LTBP1: variants seen among roughly 807,000 people sequenced by gnomAD.
LTBP1 encodes the protein latent-transforming growth factor beta-binding protein 1.
A neutral mutation model predicts 207.6 loss-of-function variants in LTBP1; 129 were observed. That is an observed-to-expected ratio of 0.62 (90% confidence interval 0.54 to 0.72). The LOEUF is 0.72. LTBP1 is among the 30% of genes least tolerant of loss of function. The pLI is 0.00. For synonymous variants in LTBP1, 963 were observed against 833.7 expected (o/e 1.16, Z -2.67); for missense variants, 2,281 against 2,217.2 (o/e 1.03, Z -0.58).
At position 33,309,494 on chromosome 2, in the gene LTBP1, C is replaced by T; in HGVS notation, c.3542C>T (p.Ala1181Val). 6.2e-7 allele frequency: 1 copy of T among 1,610,108 alleles called. No individual in the cohort carries two copies. Among genetic ancestry groups the T allele is most frequent in the South Asian group, 1.1e-5 (1 of 90,398 alleles). The change falls in exon 23 of 34, where the codon GCA becomes GTA. Residue 1181 changes from alanine (A) to valine (V), a missense_variant. Transcript: ENST00000404816. ...CAGAGAGGAGACTGCATTAATACTGCAGGGTCCTATGATTGTACTTGTCCG... is the reference window on the plus strand; with the variant it reads ...CAGAGAGGAGACTGCATTAATACTGTAGGGTCCTATGATTGTACTTGTCCG... ...VCQRGDCINT[A>V]GSYDCTCPDG...
chr2:33,393,237 T>C (rs868691318), intron 32 of LTBP1, among the ~76,000 whole-genome samples: 19 of 38,406 alleles, frequency 4.9e-4, no homozygotes, highest in African/African-American at 2.4e-3. Flanking sequence ...TCTTCTTCTT[T>C]TTTTTTTTTT....
At position 33,393,998 on chromosome 2, in the gene LTBP1, A is replaced by G. The variant is rs560719210; in HGVS notation, c.4835-3135A>G. Among the ~76,000 whole-genome samples, 6 of 150,614 alleles carry G rather than the reference A, an allele frequency of 4.0e-5. No individual in the cohort carries two copies. The South Asian group carries it at 1.3e-3, about 32-fold the overall frequency. On this transcript the variant is annotated intron_variant, in intron 32 of 33. Coordinates refer to ENST00000404816, the MANE Select transcript of LTBP1 (RefSeq NM_206943.4). ...TGATCGCCATTGTAATTGGTGTGAG[A>G]TGGTATCTCATTGTGGTTTTGATTT...
At chr2:32,993,653 G>T (rs1211778443) in intron 2 of LTBP1, among the ~76,000 whole-genome samples, 1 of 152,176 alleles carries the variant, frequency 6.6e-6, no homozygotes, top group African/African-American at 2.4e-5. Context: ...TTGTTTTACT[G>T]AAGGCCGTGT....
chr2:33,387,490 A>G (rs1346561085), intron 31 of LTBP1, among the ~76,000 whole-genome samples: 1 of 152,192 alleles, frequency 6.6e-6, no homozygotes, highest in Non-Finnish European at 1.5e-5. Flanking sequence ...TGGAGTCTGG[A>G]TGTTGTTCCT....
intron 3 of LTBP1, among the ~76,000 whole-genome samples, chr2:33,088,059 G>A (rs2078860293): frequency 6.6e-6 from 1 of 152,216 alleles, no homozygotes; most frequent in Non-Finnish European, 1.5e-5. Context: ...TTCCTGGAAA[G>A]CACCAGGCAT....
intron 4 of LTBP1, among the ~76,000 whole-genome samples, chr2:33,128,939 A>T (rs900580683): frequency 6.6e-6 from 1 of 152,212 alleles, no homozygotes; most frequent in African/African-American, 2.4e-5. Context: ...TTCTCTTAAC[A>T]TTCAGAATTA....
At chr2:33,257,119 T>A (rs1333712399) in intron 11 of LTBP1, among the ~76,000 whole-genome samples, 165 bp from the exon 12 acceptor site, 1 of 152,142 alleles carries the variant, frequency 6.6e-6, no homozygotes, top group Non-Finnish European at 1.5e-5. Context: ...TGCAAGTTTA[T>A]CAGAAATTCG....
intron 4 of LTBP1, among the ~76,000 whole-genome samples, chr2:33,111,012 T>A (rs1283601425): frequency 3.9e-5 from 6 of 152,188 alleles, no homozygotes; most frequent in Non-Finnish European, 5.9e-5. Flanking sequence ...TGGCTTCATG[T>A]CTAAGACATA....
intron 19 of LTBP1, among the ~76,000 whole-genome samples, chr2:33,288,611 T>C (rs979925514): frequency 6.6e-6 from 1 of 152,004 alleles, no homozygotes; most frequent in African/African-American, 2.4e-5. Flanking sequence ...ATCTCAGCAC[T>C]TTGGGAGGCC....
intron 4 of LTBP1, among the ~76,000 whole-genome samples, chr2:33,115,517 TTAAAA>T (rs201020477): frequency 0.018 from 2,758 of 152,238 alleles, 84 homozygotes; most frequent in African/African-American, 0.063. Flanking sequence ...ATATCTCAAT[TTAAAA>T]TAACAAATAT....
At chr2:33,183,981 C>T (rs2086922035) in intron 5 of LTBP1, among the ~76,000 whole-genome samples, 1 of 152,114 alleles carries the variant, frequency 6.6e-6, no homozygotes, top group Non-Finnish European at 1.5e-5. Context: ...CTCCTCCCTC[C>T]TCCACTTTCT....
At position 32,947,278 on chromosome 2, in the gene LTBP1, G is replaced by A. The variant is rs1300186714; in HGVS notation, c.-47G>A. 4 of 1,199,734 alleles carry A rather than the reference G, an allele frequency of 3.3e-6. No individual in the cohort carries two copies. The highest frequency in any genetic ancestry group is 4.1e-6 in the Non-Finnish European group (4 of 965,122). 74.3% of individuals were successfully genotyped at this position (1,199,734 alleles called of 1,614,324 possible). Reference sequence around the variant, plus strand: ...GGAAAGGCGAGCCGCACGGCCGGGGGAGGGGGCCGGACCGCGCGCGACCGG... The same window carrying A: ...GGAAAGGCGAGCCGCACGGCCGGGGAAGGGGGCCGGACCGCGCGCGACCGG... On this transcript the variant is annotated 5_prime_UTR_variant, in exon 1 of 34. Transcript: ENST00000404816.
chr2:33,105,157 A>G (rs1339129606), intron 3 of LTBP1, among the ~76,000 whole-genome samples: 4 of 152,150 alleles, frequency 2.6e-5, no homozygotes, highest in African/African-American at 9.7e-5. Context: ...CAAAGTCATC[A>G]TAGGCACACT....
rs371310327 is a variant in LTBP1, at chr2:33,315,281, C to T, written c.3730+12C>T. On this transcript the variant is annotated intron_variant, in intron 24 of 33. Coordinates refer to ENST00000404816, the MANE Select transcript of LTBP1 (RefSeq NM_206943.4). ...CCGTACGTGTGAAGGTAAGATAAACCATACGAAATCATATTGTTGTGTGAT... is the reference window on the plus strand; with the variant it reads ...CCGTACGTGTGAAGGTAAGATAAACTATACGAAATCATATTGTTGTGTGAT... 6.2e-6 allele frequency: 10 copies of T among 1,608,558 alleles called. No individual in the cohort carries two copies. Among genetic ancestry groups the T allele is most frequent in the Middle Eastern group, 1.6e-4 (1 of 6,068 alleles).
chr2:33,084,499 T>C (rs2078634447), intron 3 of LTBP1, among the ~76,000 whole-genome samples: 1 of 152,098 alleles, frequency 6.6e-6, no homozygotes, highest in Non-Finnish European at 1.5e-5. Context: ...TAGCAGTCAC[T>C]GGGCTTTAGG....
chr2:33,053,351 A>C (rs766340866), intron 3 of LTBP1, among the ~76,000 whole-genome samples: 1 of 152,194 alleles, frequency 6.6e-6, no homozygotes, highest in Non-Finnish European at 1.5e-5. Flanking sequence ...CTACATTGAC[A>C]CATCATTATT....
chr2:33,335,527 T>C (rs2094545006), intron 24 of LTBP1, among the ~76,000 whole-genome samples: 1 of 152,196 alleles, frequency 6.6e-6, no homozygotes, highest in East Asian at 1.9e-4. Flanking sequence ...TCTTTCCATA[T>C]CCTATTGTAT....
intron 31 of LTBP1, among the ~76,000 whole-genome samples, chr2:33,373,885 T>A (rs947595041): frequency 1.3e-5 from 2 of 152,214 alleles, no homozygotes; most frequent in Non-Finnish European, 2.9e-5. Context: ...TTTAATAAAT[T>A]CACCATTTGC....
intron 7 of LTBP1, among the ~76,000 whole-genome samples, chr2:33,212,284 TC>T (rs981853363): frequency 2.6e-5 from 4 of 152,202 alleles, no homozygotes; most frequent in Non-Finnish European, 5.9e-5. Flanking sequence ...TTGTTTTTCT[TC>T]CTTTTGCCTT....
Sources: allele counts gnomAD v4.1 joint callset (sites outside exome capture counted in the v4.1 genomes callset), GRCh38; gene constraint gnomAD v4.1.1; transcripts MANE v1.5; gene names NCBI Gene and HGNC (gene_info 2026-07-23, HGNC 2026-07-21).